The following ZCCHC17 variants were observed in gnomAD, a reference collection of about 807,000 sequenced individuals.
The protein encoded by ZCCHC17 is zinc finger CCHC domain-containing protein 17.
Under a neutral mutation model 30.6 loss-of-function variants are expected in ZCCHC17, and 18 were observed. The observed-to-expected ratio is 0.59, with a 90% confidence interval of 0.41 to 0.87. ZCCHC17 has a LOEUF of 0.87. Among genes scored for constraint, ZCCHC17 ranks in the 40% least tolerant of loss-of-function variants. The pLI is 0.00. For synonymous variants in ZCCHC17, 88 were observed against 92.4 expected (o/e 0.95, Z 0.27); for missense variants, 263 against 284.2 (o/e 0.93, Z 0.54).
rs372835866 is a variant in ZCCHC17, at chr1:31,350,783, G to T, written c.564+1809G>T. The stretch of plus-strand genomic sequence containing the variant: ...CCCGGCTAATTTTTGTATTTTTTTA[G>T]TAGAGACAGGGTTTCACCATGTTGG... On this transcript the variant is annotated intron_variant, in intron 7 of 7. Coordinates refer to ENST00000344147, the MANE Select transcript of ZCCHC17 (RefSeq NM_016505.4). Among the ~76,000 whole-genome samples the T allele has an allele frequency of 5.3e-5, 8 of 152,148 alleles. No individual in the cohort carries two copies. In the East Asian group the frequency reaches 1.2e-3, roughly 22 times the overall value.
chr1:31,363,031 A>G (rs910073394), intron 7 of ZCCHC17, among the ~76,000 whole-genome samples: 4 of 152,254 alleles, frequency 2.6e-5, no homozygotes, highest in African/African-American at 9.6e-5. Context: ...AGTTTATATC[A>G]TGTGCATATA....
chr1:31,359,718 A>AC (rs1639794082), intron 7 of ZCCHC17, among the ~76,000 whole-genome samples: 1 of 152,200 alleles, frequency 6.6e-6, no homozygotes, highest in East Asian at 1.9e-4. Context: ...CCTAGAGAGC[A>AC]GTCTTTGAGA....
intron 3 of ZCCHC17, among the ~76,000 whole-genome samples, chr1:31,320,828 C>T (rs1569805546): frequency 6.6e-6 from 1 of 152,090 alleles, no homozygotes; most frequent in Non-Finnish European, 1.5e-5. Context: ...CATATGATAA[C>T]TCCATGTTCA....
chr1:31,307,846 A>T (rs1646504109), intron 1 of ZCCHC17, among the ~76,000 whole-genome samples: 1 of 152,188 alleles, frequency 6.6e-6, no homozygotes, highest in Non-Finnish European at 1.5e-5. Flanking sequence ...AAGTGCTGGG[A>T]TTACAGGCGT....
At chr1:31,359,971 T>C (rs558546143) in intron 7 of ZCCHC17, among the ~76,000 whole-genome samples, 97 of 150,348 alleles carry the variant, frequency 6.5e-4, no homozygotes, top group African/African-American at 2.3e-3. Context: ...AACTTTGCTT[T>C]TGAACTACAA....
intron 5 of ZCCHC17, among the ~76,000 whole-genome samples, chr1:31,340,269 G>A (rs572446230): frequency 6.7e-6 from 1 of 150,118 alleles, no homozygotes; most frequent in East Asian, 2.0e-4. Flanking sequence ...ATTTCTCATC[G>A]GAGGTTCTTG....
intron 3 of ZCCHC17, among the ~76,000 whole-genome samples, chr1:31,334,308 T>TCA: frequency 4.1e-5 from 2 of 49,028 alleles, no homozygotes; most frequent in Non-Finnish European, 7.3e-5. Context: ...TGTGCATCTC[T>TCA]CTCTCTCTCT....
chr1:31,313,373 G>A (rs1230574977), intron 2 of ZCCHC17, among the ~76,000 whole-genome samples: 1 of 152,094 alleles, frequency 6.6e-6, no homozygotes, highest in African/African-American at 2.4e-5. Context: ...CACCTGGCCT[G>A]AGCCTATAGT....
chr1:31,353,006 A>G (rs1639522352), intron 7 of ZCCHC17, among the ~76,000 whole-genome samples: 1 of 152,210 alleles, frequency 6.6e-6, no homozygotes, highest in Non-Finnish European at 1.5e-5. Context: ...TTCAAGTGTC[A>G]CTACATCCTT....
intron 1 of ZCCHC17, among the ~76,000 whole-genome samples, chr1:31,298,599 G>A (rs1202847716): frequency 6.6e-6 from 1 of 152,088 alleles, no homozygotes; most frequent in African/African-American, 2.4e-5. Context: ...TGGCCAGGCT[G>A]GTCTCCAACT....
intron 7 of ZCCHC17, among the ~76,000 whole-genome samples, chr1:31,363,222 C>T (rs1390936148): frequency 4.9e-5 from 7 of 142,274 alleles, no homozygotes; most frequent in East Asian, 4.1e-4. Context: ...CTCGCTCTGT[C>T]GCCAAGGCTG....
At chr1:31,338,688 C>A (rs1638916267) in intron 4 of ZCCHC17, among the ~76,000 whole-genome samples, 1 of 152,178 alleles carries the variant, frequency 6.6e-6, no homozygotes, top group African/African-American at 2.4e-5. Context: ...TTATTTTCTG[C>A]CTGGTTACTT....
chr1:31,319,261 T>C (rs1646806352), intron 3 of ZCCHC17, 95 bp downstream of exon 3: 3 of 1,021,970 alleles, frequency 2.9e-6, no homozygotes, highest in East Asian at 4.8e-5. Context: ...TTTCAGACAG[T>C]AGTTTTTCAT....
chr1:31,343,160 A>G (rs1639108740), intron 5 of ZCCHC17, among the ~76,000 whole-genome samples: 1 of 152,108 alleles, frequency 6.6e-6, no homozygotes, highest in Non-Finnish European at 1.5e-5. Context: ...CCCAGGTTCA[A>G]GCAATTCTCC....
chr1:31,349,040 C>A, intron 7 of ZCCHC17, 66 bp downstream of exon 7: 8 of 1,506,980 alleles, frequency 5.3e-6, no homozygotes, highest in Non-Finnish European at 7.1e-6. Flanking sequence ...ATCTGAAAAG[C>A]CTCATGCAGC....
chr1:31,338,116 C>T (rs1057102111), intron 4 of ZCCHC17, among the ~76,000 whole-genome samples: 8 of 150,580 alleles, frequency 5.3e-5, no homozygotes, highest in South Asian at 2.1e-4. Flanking sequence ...ACTACAGGCA[C>T]GCACCACTAA....
intron 7 of ZCCHC17, among the ~76,000 whole-genome samples, chr1:31,362,123 C>T (rs558684004): frequency 6.8e-4 from 103 of 152,256 alleles, no homozygotes; most frequent in Admixed American, 2.0e-3. Flanking sequence ...AGATGTTATT[C>T]TTATCTCCAG....
At chr1:31,330,738 T>C (rs1012845148) in intron 3 of ZCCHC17, among the ~76,000 whole-genome samples, 9 of 152,220 alleles carry the variant, frequency 5.9e-5, no homozygotes, top group Non-Finnish European at 1.2e-4. Flanking sequence ...TCTAGATGAT[T>C]TTTTCCCATG....
At chr1:31,309,065 A>G (rs539577311) in intron 1 of ZCCHC17, among the ~76,000 whole-genome samples, 1 of 152,150 alleles carries the variant, frequency 6.6e-6, no homozygotes, top group East Asian at 1.9e-4. Context: ...GAATTTTTTT[A>G]TTATCTGAAC....
Sources: allele counts gnomAD v4.1 joint callset (sites outside exome capture counted in the v4.1 genomes callset), GRCh38; gene constraint gnomAD v4.1.1; transcripts MANE v1.5; gene names NCBI Gene and HGNC (gene_info 2026-07-23, HGNC 2026-07-21).